The following CLASRP variants were observed in gnomAD, a reference collection of about 807,000 sequenced individuals.
CLASRP encodes the protein CLK4-associating serine/arginine rich protein.
Under a neutral mutation model 99.9 loss-of-function variants are expected in CLASRP, and 52 were observed. The ratio of observed to expected loss-of-function variants is 0.52; its 90% CI spans 0.42 to 0.66. The LOEUF is 0.66. CLASRP is among the 30% of genes least tolerant of loss of function. CLASRP has a pLI of 0.00. For missense variants in CLASRP, 848 were observed against 999.2 expected (o/e 0.85, Z 2.04); for synonymous variants, 379 against 373.0 (o/e 1.02, Z -0.18).
chr19:45,068,393 C>G, intron 15 of CLASRP, 27 bp from the exon 16 acceptor site: 1 of 1,394,812 alleles, frequency 7.2e-7, no homozygotes, highest in Non-Finnish European at 1.0e-6. Context: ...CCCACCCCCT[C>G]TCCCGCCTCT....
chr19:45,060,362 C>T lies in CLASRP; in HGVS notation c.711-27C>T. On this transcript the variant is annotated intron_variant, in intron 8 of 20. Transcript: ENST00000221455. The surrounding 1 kb of genome is among the most constrained non-coding windows in gnomAD (Gnocchi z 4.6). ...TTACCCTGTGGCCTGCCCCATCCTCCACCCTAATTCTCACCCACCTCTATA... is the reference window on the plus strand; with the variant it reads ...TTACCCTGTGGCCTGCCCCATCCTCTACCCTAATTCTCACCCACCTCTATA... 3.1e-6 allele frequency: 5 copies of T among 1,607,850 alleles called. No individual in the cohort carries two copies. Among genetic ancestry groups the T allele is most frequent in the Non-Finnish European group, 4.3e-6 (5 of 1,174,304 alleles).
In CLASRP at chr19:45,067,135, T is replaced by C. The variant is rs1967103892; in HGVS notation, c.1410-202T>C. Among the ~76,000 whole-genome samples the C allele has an allele frequency of 6.6e-6, 1 of 152,152 alleles. No homozygotes were observed. The highest frequency in any genetic ancestry group is 1.5e-5 in the Non-Finnish European group (1 of 68,014). Reference sequence around the variant, plus strand: ...GGCAGGACTGCCCTTAGGCTGAGTGTATCTAGAGCGCCATCTCTGTAGCCG... The same window carrying C: ...GGCAGGACTGCCCTTAGGCTGAGTGCATCTAGAGCGCCATCTCTGTAGCCG... On this transcript the variant is annotated intron_variant, in intron 13 of 20. Transcript: ENST00000221455. This position sits in a 1 kb window ranked among gnomAD's most constrained non-coding sequence, Gnocchi z 4.9.
At chr19:45,047,778 T>C (rs1971949370) in intron 2 of CLASRP, among the ~76,000 whole-genome samples, 3 of 152,170 alleles carry the variant, frequency 2.0e-5, no homozygotes, top group African/African-American at 7.2e-5. Context: ...AAATGTTTTC[T>C]ACCACAATAA....
chr19:45,057,981 C>A, intron 7 of CLASRP, 83 bp downstream of exon 7: 2 of 1,556,436 alleles, frequency 1.3e-6, no homozygotes, highest in East Asian at 2.3e-5. Context: ...GTGGGGCACC[C>A]CGTGCTTACG....
At chr19:45,064,275 G>C in intron 12 of CLASRP, 48 bp downstream of exon 12, 1 of 1,527,734 alleles carries the variant, frequency 6.5e-7, no homozygotes. Flanking sequence ...CACCATGGGG[G>C]GTACCCGGGG....
chr19:45,050,089 G>C (rs1971993987), intron 2 of CLASRP, among the ~76,000 whole-genome samples: 1 of 152,008 alleles, frequency 6.6e-6, no homozygotes, highest in Middle Eastern at 3.2e-3. Flanking sequence ...GGGCATGTCT[G>C]GAATGCCCAA....
chr19:45,069,542 TCC>T (rs1197100291), intron 18 of CLASRP: 1 of 558,384 alleles, frequency 1.8e-6, no homozygotes, highest in Non-Finnish European at 3.2e-6. Flanking sequence ...TGATACCCCT[TCC>T]CCACTCACCC....
At position 45,070,017 on chromosome 19, in the gene CLASRP, C is replaced by T. The variant is rs147506970; in HGVS notation, c.1875-5C>T. The T allele has an allele frequency of 1.3e-5, 20 of 1,575,666 alleles. No individual in the cohort carries two copies. In the East Asian group the frequency reaches 2.5e-4, roughly 19 times the overall value. On this transcript the variant is annotated splice_region_variant and splice_polypyrimidine_tract_variant and intron_variant, in intron 18 of 20. Transcript: ENST00000221455. The stretch of plus-strand genomic sequence containing the variant: ...CGGCCAGATGCTCATGCCATGCCTT[C>T]GCAGGGAGCGGGAACGCCGAGAGAA...
At chr19:45,064,693 G>A in intron 13 of CLASRP, 63 bp downstream of exon 13, 1 of 1,478,018 alleles carries the variant, frequency 6.8e-7, no homozygotes, top group Non-Finnish European at 9.0e-7. Flanking sequence ...ATCCTGGGGA[G>A]AAGGTGCTCA....
chr19:45,067,313 C>G lies in CLASRP; in HGVS notation c.1410-24C>G, dbSNP rs745508323. On this transcript the variant is annotated intron_variant, in intron 13 of 20. Transcript: ENST00000221455. This position sits in a 1 kb window ranked among gnomAD's most constrained non-coding sequence, Gnocchi z 4.9. ...GGGGTCCCTGGAGCCTCACAGTCCT[C>G]CTCCCGCCCTGCTGCATCCCCAGGA... 4 of 1,484,712 alleles carry G rather than the reference C, an allele frequency of 2.7e-6. No homozygotes were observed. Among genetic ancestry groups the G allele is most frequent in the Non-Finnish European group, 3.6e-6 (4 of 1,121,504 alleles). The allele number at this position is 1,484,712 out of a possible 1,614,324, so 92.0% of individuals were successfully genotyped here. A position where few individuals can be genotyped will look rare whatever the true frequency, so the allele number is the denominator to read the frequency against.
intron 15 of CLASRP, 83 bp from the exon 16 acceptor site, chr19:45,068,335 CAA>C: frequency 1.6e-6 from 1 of 616,516 alleles, no homozygotes; most frequent in Non-Finnish European, 2.9e-6. Flanking sequence ...CCCCCCCGCA[CAA>C]AGCCCCAGGC....
In CLASRP at chr19:45,069,221, G is replaced by C. The variant is rs763881125; in HGVS notation, c.1847G>C (p.Arg616Pro). 3 of 1,613,828 alleles carry C rather than the reference G, an allele frequency of 1.9e-6. No individual in the cohort carries two copies. Among genetic ancestry groups the C allele is most frequent in the Non-Finnish European group, 2.5e-6 (3 of 1,180,012 alleles). ...CTGCAGGAGCGGGAAGACGAGCTTC[G>C]AGCCATGGCCCGCAAGATCCGCATG... ...HERQEREDEL[R>P]AMARKIRMKE... The change falls in exon 18 of 21, where the codon CGA becomes CCA. Residue 616 changes from arginine to proline, a missense_variant. Physicochemically the swap from Arg to Pro is moderately radical, Grantham distance 103. Around this residue, in one of 8 missense-constraint regions of CLASRP, gnomAD observed 116 missense variants for 162.7 expected, o/e 0.71. Transcript: ENST00000221455.
chr19:45,053,032 T>G, intron 4 of CLASRP, 66 bp from the exon 5 acceptor site: 3 of 1,591,166 alleles, frequency 1.9e-6, no homozygotes, highest in Non-Finnish European at 2.6e-6. Flanking sequence ...CTCATTTCCC[T>G]TCCTGCTGGC....
chr19:45,054,540 C>T (rs181171211), intron 5 of CLASRP, among the ~76,000 whole-genome samples: 259 of 152,298 alleles, frequency 1.7e-3, no homozygotes, highest in African/African-American at 5.8e-3. Context: ...TGAGCCACCG[C>T]GCCTGGCCAT....
intron 2 of CLASRP, among the ~76,000 whole-genome samples, chr19:45,049,700 G>C (rs991170365): frequency 3.3e-5 from 5 of 152,172 alleles, no homozygotes; most frequent in African/African-American, 1.2e-4. Context: ...GTCTTCATCT[G>C]TTAGTAAGGA....
At chr19:45,064,994 G>A (rs1409009858) in intron 13 of CLASRP, among the ~76,000 whole-genome samples, 1 of 152,110 alleles carries the variant, frequency 6.6e-6, no homozygotes, top group Non-Finnish European at 1.5e-5. Flanking sequence ...AGCTTGAAGG[G>A]ACGGGTCCGG....
Position 45,060,691 on chromosome 19 carries a change from C to T in CLASRP, c.863+64C>T. On this transcript the variant is annotated intron_variant, in intron 10 of 20. Coordinates refer to ENST00000221455, the MANE Select transcript of CLASRP (RefSeq NM_007056.3). The surrounding 1 kb of genome is among the most constrained non-coding windows in gnomAD (Gnocchi z 4.6). Reference sequence around the variant, plus strand: ...GGGGGAGGAGAGCAGGGGCTTAGGGCCTGAGAAAGCTCTTTGGAGGCAGGC... The same window carrying T: ...GGGGGAGGAGAGCAGGGGCTTAGGGTCTGAGAAAGCTCTTTGGAGGCAGGC... 2 of 1,281,964 alleles carry T rather than the reference C, an allele frequency of 1.6e-6. No homozygotes were observed. Among genetic ancestry groups the T allele is most frequent in the South Asian group, 2.9e-5 (2 of 68,442 alleles). 79.4% of individuals were successfully genotyped at this position (1,281,964 alleles called of 1,614,324 possible).
chr19:45,062,053 G>C, intron 10 of CLASRP, 101 bp from the exon 11 acceptor site: 1 of 797,240 alleles, frequency 1.3e-6, no homozygotes, highest in Non-Finnish European at 2.2e-6. Context: ...CACTGTGCCA[G>C]GTACCTAGCT....
At chr19:45,056,585 G>A in intron 6 of CLASRP, 51 bp downstream of exon 6, 1 of 1,467,768 alleles carries the variant, frequency 6.8e-7, no homozygotes, top group South Asian at 1.1e-5. Context: ...AGGGCTGGGA[G>A]CCCCAGCCAG....
Sources: allele counts gnomAD v4.1 joint callset (sites outside exome capture counted in the v4.1 genomes callset), GRCh38; gene constraint gnomAD v4.1.1; regional missense constraint gnomAD v4.1.1; non-coding constraint Gnocchi (gnomAD v3.1); transcripts MANE v1.5; gene names NCBI Gene and HGNC (gene_info 2026-07-23, HGNC 2026-07-21).